FANCB: variants seen among roughly 807,000 people sequenced by gnomAD.
FANCB encodes the protein Fanconi anemia group B protein.
A neutral mutation model predicts 38.9 loss-of-function variants in FANCB; 5 were observed. That is an observed-to-expected ratio of 0.13 (90% CI 0.07 to 0.27). The LOEUF is 0.27. FANCB is among the 10% of genes least tolerant of loss of function. FANCB has a pLI of 1.00. For synonymous variants in FANCB, 236 were observed against 215.4 expected (o/e 1.10, Z -0.84); for missense variants, 573 against 602.7 (o/e 0.95, Z 0.52).
the FANCB span, among the ~76,000 whole-genome samples, chrX:14,735,724 T>C: frequency 8.9e-6 from 1 of 112,530 alleles, no homozygotes; most frequent in Non-Finnish European, 1.9e-5. Context: ...AGGGAACCAC[T>C]TGAGGAGGCA....
At chrX:14,787,731 A>T in the FANCB span, among the ~76,000 whole-genome samples, 1 of 106,812 alleles carries the variant, frequency 9.4e-6, no homozygotes, top group South Asian at 4.1e-4. Flanking sequence ...TAAAAAAGTT[A>T]ATTTGTTAGT....
the FANCB span, among the ~76,000 whole-genome samples, chrX:14,822,012 T>C: frequency 1.8e-5 from 2 of 111,742 alleles, no homozygotes; most frequent in African/African-American, 6.5e-5. Flanking sequence ...CACTCTGCAG[T>C]TGGTGCTTGC....
the FANCB span, among the ~76,000 whole-genome samples, chrX:14,789,333 T>C: frequency 1.8e-5 from 2 of 111,153 alleles, no homozygotes; most frequent in African/African-American, 3.3e-5. Flanking sequence ...AGCCAACAAT[T>C]AGGCCAGTAC....
the FANCB span, among the ~76,000 whole-genome samples, chrX:14,774,826 T>TTTTATTTATTTA: frequency 9.1e-6 from 1 of 109,475 alleles, no homozygotes; most frequent in South Asian, 3.8e-4. Flanking sequence ...ACTCTGTTAT[T>TTTTATTTATTTA]TTTATTTATT....
chrX:14,805,533 C>G, the FANCB span, among the ~76,000 whole-genome samples: 188 of 111,563 alleles, frequency 1.7e-3, 1 homozygote, highest in Non-Finnish European at 3.0e-3. Flanking sequence ...TTCATTCTCT[C>G]GCTGACTTAT....
chrX:14,757,822 C>T, the FANCB span, among the ~76,000 whole-genome samples: 1 of 111,681 alleles, frequency 9.0e-6, no homozygotes, highest in Non-Finnish European at 1.9e-5. Context: ...TGCAAAGTTT[C>T]CTGGACAGAA....
the FANCB span, among the ~76,000 whole-genome samples, chrX:14,786,262 C>G: frequency 3.6e-5 from 4 of 111,333 alleles, 1 homozygote; most frequent in Non-Finnish European, 7.5e-5. Flanking sequence ...CCAGCAGCAC[C>G]CAGCAGATGG....
the FANCB span, among the ~76,000 whole-genome samples, chrX:14,785,922 C>T: frequency 1.8e-5 from 2 of 111,442 alleles, no homozygotes; most frequent in Admixed American, 1.9e-4. Context: ...ACTCCGGGTA[C>T]CAAACCTCAT....
the FANCB span, among the ~76,000 whole-genome samples, chrX:14,769,502 T>C: frequency 3.6e-5 from 4 of 112,127 alleles, no homozygotes; most frequent in African/African-American, 1.3e-4. Flanking sequence ...TCATTGGTGA[T>C]ATCTTCCTTA....
chrX:14,811,658 T>A, the FANCB span, among the ~76,000 whole-genome samples: 1 of 111,612 alleles, frequency 9.0e-6, no homozygotes, highest in African/African-American at 3.3e-5. Flanking sequence ...AGCACCCAGA[T>A]TCATAAAGGA....
chrX:14,691,234 A>C, the FANCB span, among the ~76,000 whole-genome samples: 2 of 109,655 alleles, frequency 1.8e-5, no homozygotes, highest in African/African-American at 3.3e-5. Flanking sequence ...TTGATTTGAC[A>C]AAGTTACTTT....
At chrX:14,766,885 C>T in the FANCB span, among the ~76,000 whole-genome samples, 3,722 of 110,440 alleles carry the variant, frequency 0.034, 52 homozygotes, top group African/African-American at 0.054. Context: ...TGTTCCCCAT[C>T]CTCATGTGTC....
the FANCB span, among the ~76,000 whole-genome samples, chrX:14,805,789 G>T: frequency 8.9e-6 from 1 of 111,770 alleles, no homozygotes; most frequent in African/African-American, 3.3e-5. Context: ...CTGCCCACAA[G>T]ATACTTACCA....
chrX:14,716,764 T>C, the FANCB span, among the ~76,000 whole-genome samples: 1 of 111,470 alleles, frequency 9.0e-6, no homozygotes, highest in Admixed American at 9.5e-5. Context: ...ATCTATCCTT[T>C]AATATGAATG....
chrX:14,819,774 A>G, the FANCB span, among the ~76,000 whole-genome samples: 1 of 111,903 alleles, frequency 8.9e-6, no homozygotes, highest in Non-Finnish European at 1.9e-5. Context: ...AAGTTCTGCC[A>G]TTTTGGATGT....
At chrX:14,729,046 T>A in the FANCB span, among the ~76,000 whole-genome samples, 1 of 112,601 alleles carries the variant, frequency 8.9e-6, no homozygotes, top group Admixed American at 9.4e-5. Context: ...GTCCTTGTTG[T>A]ACCATTTGAG....
At chrX:14,831,097 C>A (rs142265079), downstream of FANCB, among the ~76,000 whole-genome samples, 579 of 112,156 alleles carry the variant, frequency 5.2e-3, 6 homozygotes, top group African/African-American at 0.018. Context: ...GAATGAAGTA[C>A]AAGCTCCTTA....
the FANCB span, among the ~76,000 whole-genome samples, chrX:14,768,875 T>C: frequency 8.9e-6 from 1 of 111,976 alleles, no homozygotes; most frequent in Non-Finnish European, 1.9e-5. Context: ...TGAAGGGATG[T>C]TGAATTTTAT....
At chrX:14,741,996 G>A in the FANCB span, among the ~76,000 whole-genome samples, 41 of 111,666 alleles carry the variant, frequency 3.7e-4, no homozygotes, top group Non-Finnish European at 5.5e-4. Flanking sequence ...GGGTGAAATA[G>A]CCTAGAAAAT....
Sources: allele counts gnomAD v4.1 joint callset (sites outside exome capture counted in the v4.1 genomes callset), GRCh38; gene constraint gnomAD v4.1.1; transcripts MANE v1.5; gene names NCBI Gene and HGNC (gene_info 2026-07-23, HGNC 2026-07-21).